Variants in APBB2 observed in about 807,000 individuals in gnomAD.
APBB2 encodes the protein Fe65-like 1.
In APBB2, 38 loss-of-function variants were observed where a neutral mutation model predicts 82.5. That is an observed-to-expected ratio of 0.46 (90% CI 0.36 to 0.60). The LOEUF (loss-of-function observed/expected upper bound fraction) is 0.60. Ranked by LOEUF, APBB2 falls within the 20% of genes least tolerant of loss-of-function variation. The pLI, the probability that APBB2 is intolerant of heterozygous loss-of-function variation, is 0.00. For synonymous variants in APBB2, 341 were observed against 368.2 expected (o/e 0.93, Z 0.85); for missense variants, 772 against 972.3 (o/e 0.79, Z 2.74).
intron 1 of APBB2, among the ~76,000 whole-genome samples, chr4:41,169,712 C>T (rs890507664): frequency 5.9e-5 from 9 of 152,318 alleles, no homozygotes; most frequent in Non-Finnish European, 1.3e-4. Context: ...CTCCATCGAA[C>T]ATTTTCCAAA....
chr4:41,105,749 G>A (rs916282522), intron 2 of APBB2, among the ~76,000 whole-genome samples: 5 of 152,100 alleles, frequency 3.3e-5, no homozygotes, highest in Non-Finnish European at 7.4e-5. Context: ...AGCCAGGTGT[G>A]GTAGCGGGCG....
At chr4:40,980,771 G>C (rs543537896) in intron 6 of APBB2, among the ~76,000 whole-genome samples, 65 of 152,304 alleles carry the variant, frequency 4.3e-4, no homozygotes, top group African/African-American at 1.6e-3. Context: ...AAGGACCAAA[G>C]AAGGCAATAA....
At chr4:41,107,075 CA>C (rs1398019650) in intron 2 of APBB2, among the ~76,000 whole-genome samples, 1 of 151,996 alleles carries the variant, frequency 6.6e-6, no homozygotes, top group African/African-American at 2.4e-5. Context: ...TCTGGGAGGC[CA>C]AGGCAGGCAG....
intron 1 of APBB2, among the ~76,000 whole-genome samples, chr4:41,152,703 C>T (rs879473843): frequency 2.6e-5 from 4 of 152,084 alleles, no homozygotes; most frequent in African/African-American, 9.7e-5. Flanking sequence ...TTCTGAATGC[C>T]GATTTGATTG....
intron 10 of APBB2, among the ~76,000 whole-genome samples, chr4:40,916,477 TG>T (rs1170576353): frequency 1.8e-4 from 27 of 152,242 alleles, no homozygotes; most frequent in African/African-American, 6.5e-4. Context: ...GATTGGCAAC[TG>T]TTCCTCAGTA....
chr4:40,931,257 T>C (rs953233033), intron 10 of APBB2, among the ~76,000 whole-genome samples: 1 of 152,076 alleles, frequency 6.6e-6, no homozygotes, highest in Non-Finnish European at 1.5e-5. Flanking sequence ...CAGGAATGAC[T>C]CCGATAGGGG....
chr4:41,124,570 G>C (rs1753849958), intron 2 of APBB2, among the ~76,000 whole-genome samples: 1 of 152,148 alleles, frequency 6.6e-6, no homozygotes, highest in South Asian at 2.1e-4. Flanking sequence ...AAAAAAAACA[G>C]GTGGCAAGCT....
intron 10 of APBB2, among the ~76,000 whole-genome samples, chr4:40,917,341 G>C (rs375467115): frequency 6.6e-5 from 10 of 152,216 alleles, no homozygotes; most frequent in African/African-American, 1.9e-4. Context: ...TCAAAGAAAG[G>C]GAAGTGACTT....
chr4:40,933,178 T>A (rs1233757781), intron 10 of APBB2, among the ~76,000 whole-genome samples: 2 of 152,190 alleles, frequency 1.3e-5, no homozygotes, highest in East Asian at 3.9e-4. Flanking sequence ...ATGTGTTTTT[T>A]AATTGCTATT....
chr4:40,981,027 G>T (rs1361711076), intron 6 of APBB2, among the ~76,000 whole-genome samples: 1 of 152,166 alleles, frequency 6.6e-6, no homozygotes, highest in Non-Finnish European at 1.5e-5. Context: ...ATAACACACT[G>T]AATCTTCTGC....
At chr4:40,915,215 C>G (rs1193225441) in intron 10 of APBB2, among the ~76,000 whole-genome samples, 2 of 152,220 alleles carry the variant, frequency 1.3e-5, no homozygotes, top group Non-Finnish European at 2.9e-5. Flanking sequence ...CTGCTTCCCT[C>G]TCTCATCTCG....
chr4:41,162,370 A>C (rs897359190), intron 1 of APBB2, among the ~76,000 whole-genome samples: 10 of 152,128 alleles, frequency 6.6e-5, no homozygotes, highest in African/African-American at 2.4e-4. Flanking sequence ...ATTCATTGAT[A>C]AAATCAGATC....
chr4:41,005,297 C>T (rs778563754), intron 6 of APBB2, among the ~76,000 whole-genome samples: 1 of 152,126 alleles, frequency 6.6e-6, no homozygotes, highest in Non-Finnish European at 1.5e-5. Context: ...ACCATGTTGG[C>T]CAGGATCGTC....
intron 10 of APBB2, among the ~76,000 whole-genome samples, chr4:40,926,673 G>A (rs914843471): frequency 1.3e-5 from 2 of 152,128 alleles, no homozygotes; most frequent in Non-Finnish European, 2.9e-5. Context: ...GGCTAGTCTC[G>A]AAATCTTGAC....
At chr4:41,197,169 G>A in intron 1 of APBB2, among the ~76,000 whole-genome samples, 1 of 151,854 alleles carries the variant, frequency 6.6e-6, no homozygotes, top group African/African-American at 2.4e-5. Flanking sequence ...GCCAATGTCT[G>A]GCCTATTTTA....
chr4:40,961,045 A>G (rs968881887), intron 6 of APBB2, among the ~76,000 whole-genome samples: 19 of 151,910 alleles, frequency 1.3e-4, no homozygotes, highest in African/African-American at 4.6e-4. Flanking sequence ...GACATAGCCT[A>G]GGGACAGCAG....
intron 7 of APBB2, among the ~76,000 whole-genome samples, chr4:40,940,234 C>A: frequency 6.6e-6 from 1 of 152,102 alleles, no homozygotes; most frequent in Non-Finnish European, 1.5e-5. Context: ...TCTGGGGAGA[C>A]AATGGGGTGA....
chr4:40,935,864 G>C (rs1785266284), intron 7 of APBB2, among the ~76,000 whole-genome samples: 1 of 151,964 alleles, frequency 6.6e-6, no homozygotes, highest in African/African-American at 2.4e-5. Flanking sequence ...TGGCTTTGTT[G>C]CGAGAGCTCT....
intron 12 of APBB2, among the ~76,000 whole-genome samples, chr4:40,850,955 A>T (rs1032957448): frequency 1.3e-4 from 20 of 151,860 alleles, no homozygotes; most frequent in East Asian, 3.9e-4. Flanking sequence ...CAAAAAAAAA[A>T]TTTTTTTTTA....
Sources: allele counts gnomAD v4.1 joint callset (sites outside exome capture counted in the v4.1 genomes callset), GRCh38; gene constraint gnomAD v4.1.1; transcripts MANE v1.5; gene names NCBI Gene and HGNC (gene_info 2026-07-23, HGNC 2026-07-21).